DGLUCY: variants seen among roughly 807,000 people sequenced by gnomAD.
DGLUCY encodes D-glutamate cyclase, mitochondrial.
Under a neutral mutation model 58.5 loss-of-function variants are expected in DGLUCY, and 58 were observed. The observed-to-expected ratio is 0.99, with a 90% CI of 0.80 to 1.23. The LOEUF (loss-of-function observed/expected upper bound fraction) is 1.23. Among genes scored for constraint, DGLUCY ranks in the 50% most tolerant of loss-of-function variants. The pLI, the probability that DGLUCY is intolerant of heterozygous loss-of-function variation, is 0.00. For synonymous variants in DGLUCY, 325 were observed against 314.1 expected (o/e 1.03, Z -0.37); for missense variants, 779 against 784.7 (o/e 0.99, Z 0.09).
chr14:91,064,799 C>T (rs1226739799), intron 1 of DGLUCY, among the ~76,000 whole-genome samples: 1 of 152,004 alleles, frequency 6.6e-6, no homozygotes, highest in Non-Finnish European at 1.5e-5. Flanking sequence ...CTAGAAAGAT[C>T]CACTGAATTT....
chr14:91,074,130 C>CACACACAT, intron 1 of DGLUCY, among the ~76,000 whole-genome samples: 1 of 133,050 alleles, frequency 7.5e-6, no homozygotes, highest in South Asian at 2.5e-4. Context: ...CACACACACA[C>CACACACAT]ACACACACAC....
chr14:91,074,723 C>T (rs1379692120), intron 1 of DGLUCY, among the ~76,000 whole-genome samples: 1 of 151,998 alleles, frequency 6.6e-6, no homozygotes, highest in African/African-American at 2.4e-5. Context: ...TGGCAAAAAC[C>T]ATATTGCAGT....
At chr14:91,084,550 T>C (rs900146238) in intron 1 of DGLUCY, among the ~76,000 whole-genome samples, 3 of 147,532 alleles carry the variant, frequency 2.0e-5, no homozygotes, top group Non-Finnish European at 4.6e-5. Context: ...TCCCACCCCC[T>C]AGCACTAACG....
chr14:91,213,741 C>T (rs1886088646), intron 12 of DGLUCY, among the ~76,000 whole-genome samples: 1 of 140,494 alleles, frequency 7.1e-6, no homozygotes, highest in African/African-American at 2.6e-5. Flanking sequence ...GGTCTGTTGC[C>T]CAGACTGGAG....
At chr14:91,205,921 C>A (rs1468177648) in intron 12 of DGLUCY, among the ~76,000 whole-genome samples, 1 of 136,686 alleles carries the variant, frequency 7.3e-6, no homozygotes, top group Non-Finnish European at 1.5e-5. Flanking sequence ...GTCGCTGCAA[C>A]CTCCGCCTCC....
intron 8 of DGLUCY, among the ~76,000 whole-genome samples, chr14:91,183,263 TG>T (rs2049295752): frequency 6.6e-6 from 1 of 152,188 alleles, no homozygotes; most frequent in Non-Finnish European, 1.5e-5. Context: ...CCCAAAGTGC[TG>T]GGATTACAGG....
chr14:91,125,050 C>G lies in DGLUCY; in HGVS notation c.-82+10767C>G, dbSNP rs1221431850. Among the ~76,000 whole-genome samples the G allele has an allele frequency of 2.0e-5, 3 of 152,186 alleles. 1 individual carries two copies. Among genetic ancestry groups the G allele is most frequent in the African/African-American group, 7.2e-5 (3 of 41,438 alleles). On this transcript the variant is annotated intron_variant, in intron 1 of 13. Transcript: ENST00000256324. ...CTGCCTTTGCCTCTTTTAAAAGGTT[C>G]TAAGTTGCCAGCCAATTGGGACAAA...
intron 1 of DGLUCY, among the ~76,000 whole-genome samples, chr14:91,139,201 AG>A (rs2046511964): frequency 6.6e-6 from 1 of 152,200 alleles, no homozygotes; most frequent in South Asian, 2.1e-4. Flanking sequence ...ATCCCAGTAC[AG>A]GGACAGGAAA....
At chr14:91,217,751 G>C (rs1203853008) in intron 13 of DGLUCY, among the ~76,000 whole-genome samples, 1 of 152,116 alleles carries the variant, frequency 6.6e-6, no homozygotes, top group Non-Finnish European at 1.5e-5. Context: ...GCCTCCCAAA[G>C]TGCTGGGATT....
chr14:91,125,791 A>G (rs2045635287), intron 1 of DGLUCY, among the ~76,000 whole-genome samples: 1 of 152,158 alleles, frequency 6.6e-6, no homozygotes, highest in Admixed American at 6.5e-5. Flanking sequence ...TGTCTCTACT[A>G]AAAATACAAA....
upstream of DGLUCY, among the ~76,000 whole-genome samples, chr14:91,110,849 G>A (rs2044680990): frequency 6.6e-6 from 1 of 152,136 alleles, no homozygotes; most frequent in South Asian, 2.1e-4. Flanking sequence ...ACAATGGTAT[G>A]CCACCATCAT....
At chr14:91,199,667 G>A (rs1010810170) in intron 10 of DGLUCY, 90 bp from the exon 11 acceptor site, 22 of 1,431,706 alleles carry the variant, frequency 1.5e-5, no homozygotes, top group Middle Eastern at 2.1e-4. Context: ...AAAAAGAAGC[G>A]TCTTTCGCGC....
At chr14:91,113,011 A>T (rs916289875), upstream of DGLUCY, among the ~76,000 whole-genome samples, 51 of 150,966 alleles carry the variant, frequency 3.4e-4, no homozygotes, top group African/African-American at 1.1e-3. Flanking sequence ...AAAAAAAAAA[A>T]AAAAAAAAGG....
At chr14:91,066,204 C>G (rs1251571964) in intron 1 of DGLUCY, among the ~76,000 whole-genome samples, 2 of 151,778 alleles carry the variant, frequency 1.3e-5, no homozygotes, top group Admixed American at 6.6e-5. Flanking sequence ...ATGGTGAAAC[C>G]CTGTCTCTAC....
At position 91,062,611 on chromosome 14, in the gene DGLUCY, A is replaced by ATAT. The variant is rs1491583254; in HGVS notation, c.-82+1907_-82+1908insTAT. Among the ~76,000 whole-genome samples the ATAT allele has an allele frequency of 3.6e-3, 91 of 25,076 alleles. 9 individuals are homozygous for ATAT. Among genetic ancestry groups the ATAT allele is most frequent in the African/African-American group, 0.013 (65 of 5,020 alleles). 16.5% of individuals were successfully genotyped at this position (25,076 alleles called of 152,430 possible). A position where few individuals can be genotyped will look rare whatever the true frequency, so the allele number is the denominator to read the frequency against. The stretch of plus-strand genomic sequence containing the variant: ...TATATATATATATATATATATATAT[A>ATAT]AACAATCCTTAGCTCAAGGGCAGTT... On this transcript the variant is annotated intron_variant, in intron 1 of 4. Transcript: ENST00000521334.
chr14:91,156,065 T>G (rs571899080), intron 1 of DGLUCY, among the ~76,000 whole-genome samples: 1 of 152,226 alleles, frequency 6.6e-6, no homozygotes, highest in South Asian at 2.1e-4. Context: ...CCTTGTTAAT[T>G]TTGCATCATT....
chr14:91,110,641 G>A, upstream of DGLUCY, among the ~76,000 whole-genome samples: 2 of 151,904 alleles, frequency 1.3e-5, 1 homozygote, highest in Middle Eastern at 6.3e-3. Context: ...ATGTTGGCCA[G>A]GCTGGTCTCG....
At chr14:91,200,400 A>G (rs2050480784) in intron 11 of DGLUCY, among the ~76,000 whole-genome samples, 1 of 152,208 alleles carries the variant, frequency 6.6e-6, no homozygotes, top group Non-Finnish European at 1.5e-5. Flanking sequence ...CATCCTCACA[A>G]GCAAGGGAGG....
At chr14:91,217,459 T>C (rs1288449006) in intron 13 of DGLUCY, among the ~76,000 whole-genome samples, 2 of 148,532 alleles carry the variant, frequency 1.3e-5, no homozygotes, top group Non-Finnish European at 3.0e-5. Context: ...CAACCAGACG[T>C]CCGCATTGCT....
Sources: gnomAD v4.1 joint callset for allele counts (sites outside exome capture counted in the v4.1 genomes callset) on GRCh38, gnomAD v4.1.1 for gene constraint, MANE v1.5 for transcripts, NCBI Gene and HGNC (gene_info 2026-07-23, HGNC 2026-07-21) for gene names.